The following G3BP2 variants were observed in gnomAD, a reference collection of about 807,000 sequenced individuals.
G3BP2 encodes ras GTPase-activating protein-binding protein 2.
In G3BP2, 11 loss-of-function variants were observed where a neutral mutation model predicts 56.7. The observed-to-expected ratio is 0.19, with a 90% CI of 0.12 to 0.32. G3BP2 has a LOEUF of 0.32. G3BP2 is among the 10% of genes least tolerant of loss of function. The pLI, the probability that G3BP2 is intolerant of heterozygous loss-of-function variation, is 1.00. For synonymous variants in G3BP2, 165 were observed against 191.6 expected (o/e 0.86, Z 1.15); for missense variants, 340 against 610.9 (o/e 0.56, Z 4.67).
intron 8 of G3BP2, among the ~76,000 whole-genome samples, chr4:75,651,918 T>A (rs1225519452): frequency 1.3e-5 from 2 of 152,234 alleles, no homozygotes; most frequent in Admixed American, 6.5e-5. Context: ...TCTAAGTTAA[T>A]GCCTACCAAT....
intron 3 of G3BP2, among the ~76,000 whole-genome samples, chr4:75,681,078 C>G (rs558396708): frequency 1.3e-5 from 2 of 151,608 alleles, no homozygotes; most frequent in Non-Finnish European, 2.9e-5. Flanking sequence ...TAACCCAGCA[C>G]TTTGGGAGGC....
At chr4:75,676,347 T>G (rs983916635), upstream of G3BP2, among the ~76,000 whole-genome samples, 1 of 144,766 alleles carries the variant, frequency 6.9e-6, no homozygotes, top group Non-Finnish European at 1.5e-5. Context: ...TTTTTTTTTT[T>G]TTTTTTTTTT....
intron 3 of G3BP2, among the ~76,000 whole-genome samples, chr4:75,658,517 G>A (rs6841467): frequency 6.6e-6 from 1 of 151,240 alleles, no homozygotes; most frequent in Non-Finnish European, 1.5e-5. Flanking sequence ...GATCACCTGA[G>A]GTTGGGAGTT....
chr4:75,708,748 A>G (rs1002961450), intron 3 of G3BP2, among the ~76,000 whole-genome samples: 3 of 152,100 alleles, frequency 2.0e-5, no homozygotes, highest in Non-Finnish European at 4.4e-5. Flanking sequence ...AGGCAGGAGG[A>G]TCGCTTGCAC....
chr4:75,674,718 A>ATATATATATTTTTTTTT (rs1241041465), upstream of G3BP2, among the ~76,000 whole-genome samples: 2 of 71,432 alleles, frequency 2.8e-5, no homozygotes, highest in African/African-American at 1.2e-4. Flanking sequence ...ATATATATAT[A>ATATATATATTTTTTTTT]TTTTTTTTTT....
chr4:75,695,059 C>G lies in G3BP2; in HGVS notation c.-25+25818G>C, dbSNP rs1719047114. The G allele has an allele frequency of 2.2e-5, 7 of 322,168 alleles. No individual in the cohort carries two copies. In the South Asian group the frequency reaches 8.5e-4, roughly 39 times the overall value. 20.0% of individuals were successfully genotyped at this position (322,168 alleles called of 1,614,324 possible). ...AAGACTCAACCACTGTAGATAGGAA[C>G]TCAGCACTGATGGGCTTGGGAAAAA... On this transcript the variant is annotated intron_variant, in intron 3 of 3. Coordinates refer to the G3BP2 transcript ENST00000499709.
chr4:75,710,609 T>C (rs1172647039), intron 3 of G3BP2, among the ~76,000 whole-genome samples: 1 of 152,206 alleles, frequency 6.6e-6, no homozygotes, highest in African/African-American at 2.4e-5. Flanking sequence ...TAGCCGCTTA[T>C]TTATTTGTCG....
rs574849483 is a variant in G3BP2, at chr4:75,694,920, A to G, written c.-25+25957T>C. 2.9e-4 allele frequency: 286 copies of G among 985,726 alleles called. 2 individuals carry two copies. Among genetic ancestry groups the G allele is most frequent in the Admixed American group, 4.9e-4 (8 of 16,290 alleles). 61.1% of individuals were successfully genotyped at this position (985,726 alleles called of 1,614,324 possible). ...GATTTGGACAGGAAGCGATAAGGAC[A>G]TGAAGGAAACTGGAGCAGCAAGACA... On this transcript the variant is annotated intron_variant, in intron 3 of 3. Transcript: ENST00000499709.
chr4:75,680,945 C>A, intron 3 of G3BP2, among the ~76,000 whole-genome samples: 1 of 142,530 alleles, frequency 7.0e-6, no homozygotes, highest in Admixed American at 7.2e-5. Flanking sequence ...TCCACCCTGG[C>A]GACAGAGCAA....
At chr4:75,661,881 C>T (rs1293224351) in intron 2 of G3BP2, 50 bp downstream of exon 2, 1 of 922,696 alleles carries the variant, frequency 1.1e-6, no homozygotes, top group African/African-American at 1.6e-5. Context: ...TATAGTCATA[C>T]CCAAGAAAAA....
chr4:75,652,322 T>C (rs370680330), intron 8 of G3BP2, among the ~76,000 whole-genome samples: 35 of 152,290 alleles, frequency 2.3e-4, no homozygotes, highest in African/African-American at 6.3e-4. Context: ...TGCTGGAGAA[T>C]TGCATAAGGT....
chr4:75,691,399 G>C (rs989953302), intron 3 of G3BP2, among the ~76,000 whole-genome samples: 3 of 151,966 alleles, frequency 2.0e-5, no homozygotes, highest in African/African-American at 7.2e-5. Flanking sequence ...TTTAGAGATG[G>C]GGTCTCACTA....
chr4:75,651,487 G>T (rs902968961), intron 8 of G3BP2, among the ~76,000 whole-genome samples: 1 of 152,078 alleles, frequency 6.6e-6, no homozygotes, highest in African/African-American at 2.4e-5. Context: ...ATTGATTTAG[G>T]AATCTGACTT....
intron 3 of G3BP2, among the ~76,000 whole-genome samples, chr4:75,687,801 G>C (rs1718674399): frequency 1.3e-5 from 2 of 152,188 alleles, no homozygotes; most frequent in Admixed American, 6.5e-5. Context: ...CCAACTTGGA[G>C]ATACACTCCT....
chr4:75,658,240 A>C (rs1460097742), intron 3 of G3BP2, among the ~76,000 whole-genome samples: 1 of 152,194 alleles, frequency 6.6e-6, no homozygotes, highest in Non-Finnish European at 1.5e-5. Context: ...TGTATAAAAT[A>C]CATCAATGAT....
chr4:75,671,646 T>G (rs1733497481), intron 1 of G3BP2, among the ~76,000 whole-genome samples: 1 of 152,250 alleles, frequency 6.6e-6, no homozygotes, highest in African/African-American at 2.4e-5. Flanking sequence ...AGTAAGAAAT[T>G]CATTCTAGGT....
upstream of G3BP2, chr4:75,673,689 G>GCCGC (rs1231998891): frequency 8.7e-7 from 1 of 1,143,370 alleles, no homozygotes; most frequent in Non-Finnish European, 1.1e-6. Context: ...CTCCAGCCTT[G>GCCGC]CCGCCCTTCT....
At chr4:75,701,606 T>G (rs2149095784) in intron 3 of G3BP2, among the ~76,000 whole-genome samples, 1 of 152,208 alleles carries the variant, frequency 6.6e-6, no homozygotes, top group South Asian at 2.1e-4. Context: ...TTTTGTATTT[T>G]TAGTAGGGAT....
intron 3 of G3BP2, among the ~76,000 whole-genome samples, chr4:75,712,336 A>G (rs1719790386): frequency 6.6e-6 from 1 of 152,040 alleles, no homozygotes; most frequent in Admixed American, 6.6e-5. Flanking sequence ...TTTTACCATC[A>G]TTTTTAATTT....
Sources: allele counts gnomAD v4.1 joint callset (sites outside exome capture counted in the v4.1 genomes callset), GRCh38; gene constraint gnomAD v4.1.1; transcripts MANE v1.5; gene names NCBI Gene and HGNC (gene_info 2026-07-23, HGNC 2026-07-21).